Variants in TMEM115 observed in about 807,000 individuals in gnomAD.
TMEM115 encodes PP6.
A neutral mutation model predicts 20.1 loss-of-function variants in TMEM115; 8 were observed. The ratio of observed to expected loss-of-function variants is 0.40; its 90% CI spans 0.23 to 0.72. The LOEUF is 0.72. Ranked by LOEUF, TMEM115 falls within the 30% of genes least tolerant of loss-of-function variation. TMEM115 has a pLI of 0.39. For synonymous variants in TMEM115, 229 were observed against 206.2 expected (o/e 1.11, Z -0.95); for missense variants, 374 against 455.1 (o/e 0.82, Z 1.62).
At chr3:50,356,005 G>A (rs1418107215) in intron 1 of TMEM115, among the ~76,000 whole-genome samples, 2 of 152,178 alleles carry the variant, frequency 1.3e-5, no homozygotes, top group Admixed American at 6.5e-5. Context: ...GGGGTATCTT[G>A]AGCCTCCTGG....
Position 50,355,352 on chromosome 3 carries a change from C to A in TMEM115, c.1047G>T (p.Pro349=), listed in dbSNP as rs367860418. ...SSLITFEAAP[P]TL ...TCAAGGTGGTCTGGAGTTACAGCGT[C>A]GGGGGAGCTGCCTCGAAGGTGATTA... The change falls in exon 2 of 2, where the codon CCG becomes CCT. Residue 349 remains proline, a synonymous_variant. Coordinates refer to ENST00000266025, the MANE Select transcript of TMEM115 (RefSeq NM_007024.5). 1.3e-6 allele frequency: 2 copies of A among 1,494,034 alleles called. No homozygotes were observed. Among genetic ancestry groups the A allele is most frequent in the Non-Finnish European group, 1.8e-6 (2 of 1,118,712 alleles). The allele number at this position is 1,494,034 out of a possible 1,614,324, so 92.5% of individuals were successfully genotyped here.
intron 1 of TMEM115, among the ~76,000 whole-genome samples, chr3:50,355,935 G>A (rs1007224393): frequency 1.3e-5 from 2 of 152,200 alleles, no homozygotes; most frequent in African/African-American, 4.8e-5. Context: ...AGGAGTTTCT[G>A]CCTGGGTGCT....
Position 50,358,600 on chromosome 3 carries a change from T to G in TMEM115, c.464A>C (p.Asp155Ala), listed in dbSNP as rs1380183308. 1 of 1,611,934 alleles carries G rather than the reference T, an allele frequency of 6.2e-7. No homozygotes were observed. The highest frequency in any genetic ancestry group is 1.1e-5 in the South Asian group (1 of 91,030). Residue 155 changes from aspartate to alanine, a missense_variant, in exon 1 of 2, where the codon GAC (aspartate) becomes GCC (alanine). Transcript: ENST00000266025. ...CTGGGGCACTCGCAGGACCACACAG[T>G]CCCCCATGGTTTGCTTGAGTGCCAC... ...VLVALKQTMGDCVVLRVPQVR... is the reference protein window; with the variant it reads ...VLVALKQTMGACVVLRVPQVR...
In TMEM115 at chr3:50,358,543, A is replaced by G. The variant is rs587716728; in HGVS notation, c.521T>C (p.Leu174Pro). 1 of 1,611,108 alleles carries G rather than the reference A, an allele frequency of 6.2e-7. No homozygotes were observed. Among genetic ancestry groups the G allele is most frequent in the Non-Finnish European group, 8.5e-7 (1 of 1,179,092 alleles). The change falls in exon 1 of 2, where the codon CTG (leucine) becomes CCG (proline). Residue 174 changes from leucine (L) to proline (P), a missense_variant. Transcript: ENST00000266025. ...GAGCCGCAGCAGGAGCAGCAGCGCC[A>G]GCAGCAGCATGGGCATCACACTGAC... Reference protein sequence around the residue: ...VRVSVMPMLLLALLLLLRLAT... With the variant: ...VRVSVMPMLLPALLLLLRLAT...
Position 50,359,491 on chromosome 3 carries a change from C to G in TMEM115, c.-428G>C, listed in dbSNP as rs1426762713. The stretch of plus-strand genomic sequence containing the variant: ...GCCTGGCTCCTGGCTTCGACCGTAC[C>G]TCTTCTCTCGGGGGGCCGACAAACA... On this transcript the variant is annotated 5_prime_UTR_variant, in exon 1 of 2. Coordinates refer to ENST00000266025, the MANE Select transcript of TMEM115 (RefSeq NM_007024.5). 1 of 162,806 alleles carries G rather than the reference C, an allele frequency of 6.1e-6. No homozygotes were observed. Among genetic ancestry groups the G allele is most frequent in the Non-Finnish European group, 1.3e-5 (1 of 74,696 alleles). 10.1% of individuals were successfully genotyped at this position (162,806 alleles called of 1,614,324 possible).
Position 50,359,180 on chromosome 3 carries a change from G to A in TMEM115, c.-117C>T. On this transcript the variant is annotated 5_prime_UTR_variant, in exon 1 of 2. Transcript: ENST00000266025. ...GGCCCGGCCTAGTCACTGGCCTATGGCCCTGGTAAAGGATCCGCTTCCGAT... is the reference window on the plus strand; with the variant it reads ...GGCCCGGCCTAGTCACTGGCCTATGACCCTGGTAAAGGATCCGCTTCCGAT... The A allele has an allele frequency of 7.1e-7, 1 of 1,407,584 alleles. No homozygotes were observed. Among genetic ancestry groups the A allele is most frequent in the Non-Finnish European group, 9.3e-7 (1 of 1,069,862 alleles). 87.2% of individuals were successfully genotyped at this position (1,407,584 alleles called of 1,614,324 possible). A position where few individuals can be genotyped will look rare whatever the true frequency, so the allele number is the denominator to read the frequency against.
chr3:50,359,177 A>G lies in TMEM115; in HGVS notation c.-114T>C, dbSNP rs1304397083. The stretch of plus-strand genomic sequence containing the variant: ...CCAGGCCCGGCCTAGTCACTGGCCT[A>G]TGGCCCTGGTAAAGGATCCGCTTCC... On this transcript the variant is annotated 5_prime_UTR_variant, in exon 1 of 2. Transcript: ENST00000266025. 8 of 1,407,466 alleles carry G rather than the reference A, an allele frequency of 5.7e-6. No homozygotes were observed. In the East Asian group the frequency reaches 1.0e-4, roughly 18 times the overall value. 87.2% of individuals were successfully genotyped at this position (1,407,466 alleles called of 1,614,324 possible). A position where few individuals can be genotyped will look rare whatever the true frequency, so the allele number is the denominator to read the frequency against.
chr3:50,357,107 C>T (rs1703888773), intron 1 of TMEM115, among the ~76,000 whole-genome samples: 1 of 152,202 alleles, frequency 6.6e-6, no homozygotes, highest in African/African-American at 2.4e-5. Flanking sequence ...GGCTTATCAC[C>T]TATAAAGACC....
At chr3:50,357,767 T>C (rs953654030) in intron 1 of TMEM115, among the ~76,000 whole-genome samples, 1 of 152,200 alleles carries the variant, frequency 6.6e-6, no homozygotes, top group African/African-American at 2.4e-5. Context: ...GCATCTGAGT[T>C]AAAGCCCAGG....
Position 50,355,212 on chromosome 3 carries a change from C to G in TMEM115, c.*131G>C, listed in dbSNP as rs1244547572. 2 of 641,496 alleles carry G rather than the reference C, an allele frequency of 3.1e-6. No homozygotes were observed. Among genetic ancestry groups the G allele is most frequent in the Non-Finnish European group, 5.0e-6 (2 of 400,588 alleles). The allele number at this position is 641,496 out of a possible 1,614,324, so 39.7% of individuals were successfully genotyped here. On this transcript the variant is annotated 3_prime_UTR_variant, in exon 2 of 2. Transcript: ENST00000266025. ...AGTCCTGGGTAGTGTTGGCGAGAAACAGCAGAAGGCCATGGAAAGCCCCAG... is the reference window on the plus strand; with the variant it reads ...AGTCCTGGGTAGTGTTGGCGAGAAAGAGCAGAAGGCCATGGAAAGCCCCAG...
rs1703856668 is a variant in TMEM115 at position 50,355,579 on chromosome 3, T to C, written c.852-32A>G. ...CCAGAGGAGAGAGGAAAGGTCACTC[T>C]GGGTTTGGCCTTGGCTCATGCCCTC... is the stretch of plus-strand genomic sequence containing the variant. On this transcript the variant is annotated intron_variant, in intron 1 of 1. Transcript: ENST00000266025. The C allele has an allele frequency of 6.4e-6, 10 of 1,556,948 alleles. No homozygotes were observed. The South Asian group carries it at 7.3e-5, about 11-fold the overall frequency.
In TMEM115 at chr3:50,355,178, G is replaced by A; in HGVS notation, c.*165C>T. 2.1e-6 allele frequency: 1 copy of A among 484,478 alleles called. No individual in the cohort carries two copies. The highest frequency in any genetic ancestry group is 3.5e-5 in the East Asian group (1 of 28,602). 30.0% of individuals were successfully genotyped at this position (484,478 alleles called of 1,614,324 possible). ...TAGTGGTTGTCTGGAGTTGGAACCA[G>A]GTAGCAAGAGTCCTGGGTAGTGTTG... is the stretch of plus-strand genomic sequence containing the variant. On this transcript the variant is annotated 3_prime_UTR_variant, in exon 2 of 2. Coordinates refer to ENST00000266025, the MANE Select transcript of TMEM115 (RefSeq NM_007024.5).
Position 50,357,615 on chromosome 3 carries a change from G to A in TMEM115, c.851+598C>T, listed in dbSNP as rs375011791. On this transcript the variant is annotated intron_variant, in intron 1 of 1. Transcript: ENST00000266025. ...GTTTACAGATAATGAAAGGGTCATC[G>A]CCACTCCCTGGTGTCAGCAGGCTCC... Among the ~76,000 whole-genome samples the A allele has an allele frequency of 3.9e-5, 6 of 152,174 alleles. No individual in the cohort carries two copies. In the South Asian group the frequency reaches 1.2e-3, roughly 31 times the overall value.
chr3:50,355,328 C>CA lies in TMEM115; in HGVS notation c.*14dup, dbSNP rs747525916. The CA allele has an allele frequency of 1.6e-5, 23 of 1,472,676 alleles. 1 individual carries two copies. The South Asian group carries it at 3.3e-4, about 21-fold the overall frequency. 91.2% of individuals were successfully genotyped at this position (1,472,676 alleles called of 1,614,324 possible). ...GGCTTGGGAGGGGAGGTGCCACACT[C>CA]AAGGTGGTCTGGAGTTACAGCGTCG... is the stretch of plus-strand genomic sequence containing the variant. On this transcript the variant is annotated 3_prime_UTR_variant, in exon 2 of 2. Coordinates refer to ENST00000266025, the MANE Select transcript of TMEM115 (RefSeq NM_007024.5).
chr3:50,355,035 C>T lies in TMEM115; in HGVS notation c.*308G>A, dbSNP rs764674985. 8.2e-5 allele frequency: 24 copies of T among 292,132 alleles called. No individual in the cohort carries two copies. The highest frequency in any genetic ancestry group is 1.7e-4 in the East Asian group (3 of 17,604). The allele number at this position is 292,132 out of a possible 1,614,324, so 18.1% of individuals were successfully genotyped here. On this transcript the variant is annotated 3_prime_UTR_variant, in exon 2 of 2. Transcript: ENST00000266025. ...CCAGTTTCAGATGTGAGGGCCGGCC[C>T]AGGAGCTGTGGCATCAGTGTCCCTG... is the stretch of plus-strand genomic sequence containing the variant.
In TMEM115 at chr3:50,358,011, G is replaced by A. The variant is rs587628538; in HGVS notation, c.851+202C>T. ...TTTCTTGAGACTTATTAAGTGGCCC[G>A]AGTGGTGAGAAAAGTGCCTCGTGGA... On this transcript the variant is annotated intron_variant, in intron 1 of 1. Transcript: ENST00000266025. 9.2e-5 allele frequency: 59 copies of A among 638,844 alleles called. 1 individual carries two copies. The highest frequency in any genetic ancestry group is 1.3e-4 in the Non-Finnish European group (49 of 375,074). The allele number at this position is 638,844 out of a possible 1,614,324, so 39.6% of individuals were successfully genotyped here.
Position 50,355,176 on chromosome 3 carries a change from C to T in TMEM115, c.*167G>A. 2.1e-6 allele frequency: 1 copy of T among 476,578 alleles called. No individual in the cohort carries two copies. The highest frequency in any genetic ancestry group is 3.6e-6 in the Non-Finnish European group (1 of 276,924). 29.5% of individuals were successfully genotyped at this position (476,578 alleles called of 1,614,324 possible). A position where few individuals can be genotyped will look rare whatever the true frequency, so the allele number is the denominator to read the frequency against. On this transcript the variant is annotated 3_prime_UTR_variant, in exon 2 of 2. Coordinates refer to ENST00000266025, the MANE Select transcript of TMEM115 (RefSeq NM_007024.5). The stretch of plus-strand genomic sequence containing the variant: ...CATAGTGGTTGTCTGGAGTTGGAAC[C>T]AGGTAGCAAGAGTCCTGGGTAGTGT...
In TMEM115 at chr3:50,359,117, CG is replaced by C. The variant is rs1703923850; in HGVS notation, c.-55del. 6.9e-7 allele frequency: 1 copy of C among 1,451,334 alleles called. No homozygotes were observed. The highest frequency in any genetic ancestry group is 9.1e-7 in the Non-Finnish European group (1 of 1,094,280). The allele number at this position is 1,451,334 out of a possible 1,614,324, so 89.9% of individuals were successfully genotyped here. ...GGGTCTGGTAGGCCAGGGGCCTCCCCGGGGCCTCGTCCTAGTCCGGCCCCGA... is the reference window on the plus strand; with the variant it reads ...GGGTCTGGTAGGCCAGGGGCCTCCCCGGGCCTCGTCCTAGTCCGGCCCCGA... On this transcript the variant is annotated 5_prime_UTR_variant, in exon 1 of 2. Transcript: ENST00000266025.
At chr3:50,355,589 C>A (rs1398497109) in intron 1 of TMEM115, 42 bp from the exon 2 acceptor site, 2 of 1,537,866 alleles carry the variant, frequency 1.3e-6, no homozygotes, top group Non-Finnish European at 1.8e-6. Context: ...TGGGTTTGGC[C>A]TTGGCTCATG....
Sources: gnomAD v4.1 joint callset for allele counts (sites outside exome capture counted in the v4.1 genomes callset) on GRCh38, gnomAD v4.1.1 for gene constraint, MANE v1.5 for transcripts, NCBI Gene and HGNC (gene_info 2026-07-23, HGNC 2026-07-21) for gene names.